The following COLEC11 variants were observed in gnomAD, a reference collection of about 807,000 sequenced individuals.
The protein encoded by COLEC11 is collectin subfamily member 11.
COLEC11 carries 20 observed loss-of-function variants against 27.3 expected under a neutral mutation model. The observed-to-expected ratio is 0.73, with a 90% CI of 0.51 to 1.06. COLEC11 has a LOEUF of 1.06. Among genes scored for constraint, COLEC11 ranks in the 50% least tolerant of loss-of-function variants. The pLI is 0.00. For missense variants in COLEC11, 310 were observed against 383.0 expected (o/e 0.81, Z 1.59); for synonymous variants, 163 against 154.7 (o/e 1.05, Z -0.40).
At chr2:3,609,456 A>C (rs1451568471) in intron 2 of COLEC11, among the ~76,000 whole-genome samples, 1 of 141,350 alleles carries the variant, frequency 7.1e-6, no homozygotes. Flanking sequence ...TGCAGCCTGC[A>C]ACTCCTGGGC....
intron 5 of COLEC11, chr2:3,641,181 G>A (rs1341945878): frequency 9.3e-6 from 12 of 1,286,326 alleles, no homozygotes; most frequent in Non-Finnish European, 1.0e-5. Context: ...TCTGACTCTT[G>A]GATACCAGGG....
intron 3 of COLEC11, among the ~76,000 whole-genome samples, chr2:3,614,220 A>AT (rs955629524): frequency 1.3e-4 from 19 of 151,480 alleles, no homozygotes; most frequent in African/African-American, 2.2e-4. Flanking sequence ...CAAGTAATAC[A>AT]TTTTTTCCAA....
At chr2:3,620,054 G>T (rs538662251) in intron 3 of COLEC11, among the ~76,000 whole-genome samples, 4 of 152,278 alleles carry the variant, frequency 2.6e-5, no homozygotes, top group Non-Finnish European at 4.4e-5. Flanking sequence ...TCTGGCTTTG[G>T]TATCAGGGTA....
intron 1 of COLEC11, chr2:3,603,562 C>T: frequency 7.7e-7 from 1 of 1,301,094 alleles, no homozygotes. Flanking sequence ...GGTGATCTGC[C>T]CACCTCAGCC....
intron 4 of COLEC11, among the ~76,000 whole-genome samples, chr2:3,638,796 C>T (rs1250259879): frequency 6.6e-6 from 1 of 152,208 alleles, no homozygotes; most frequent in Non-Finnish European, 1.5e-5. Flanking sequence ...TTCACAAACC[C>T]AAATAACATC....
intron 1 of COLEC11, among the ~76,000 whole-genome samples, chr2:3,600,737 G>T (rs962648905): frequency 6.6e-6 from 1 of 152,198 alleles, no homozygotes; most frequent in Non-Finnish European, 1.5e-5. Flanking sequence ...GTTAGACCTC[G>T]TCATTGTGTA....
At chr2:3,619,190 T>G (rs889340292) in intron 3 of COLEC11, among the ~76,000 whole-genome samples, 3 of 147,914 alleles carry the variant, frequency 2.0e-5, no homozygotes, top group African/African-American at 7.7e-5. Flanking sequence ...CCCTCTCCCT[T>G]TCTCTTCCTT....
chr2:3,631,772 T>G (rs1665022826), intron 3 of COLEC11, among the ~76,000 whole-genome samples: 1 of 151,500 alleles, frequency 6.6e-6, no homozygotes. Flanking sequence ...GGGCTCTGCC[T>G]GCTGCTTTGC....
Position 3,602,557 on chromosome 2 carries a change from C to T in COLEC11, c.-26-1758C>T, listed in dbSNP as rs755606918. Among the ~76,000 whole-genome samples, 14 of 152,328 alleles carry T rather than the reference C, an allele frequency of 9.2e-5. No individual in the cohort carries two copies. Among genetic ancestry groups the T allele is most frequent in the South Asian group, 2.1e-4 (1 of 4,822 alleles). On this transcript the variant is annotated intron_variant, in intron 1 of 6. Transcript: ENST00000349077. The surrounding 1 kb of genome is among the most constrained non-coding windows in gnomAD (Gnocchi z 6.2). ...ACACGTGGGGTCCAGCTGCCATCCT[C>T]GCCCGCTGTGCTGTTGTGGTCACCC...
intron 2 of COLEC11, chr2:3,606,173 G>A (rs764676971): frequency 8.4e-6 from 13 of 1,550,454 alleles, no homozygotes; most frequent in Admixed American, 2.0e-5. Context: ...TTTGGCTGTG[G>A]AGGTCACGTC....
chr2:3,625,396 G>A lies in COLEC11; in HGVS notation c.202+12014G>A, dbSNP rs560823449. On this transcript the variant is annotated intron_variant, in intron 3 of 6. Transcript: ENST00000349077. ...TTCTTGGCTGCCTTGTGGTGGGTGG[G>A]GGGCCATGGACCCAGCCCAGGGCGG... 2.6e-5 allele frequency among the ~76,000 whole-genome samples: 4 copies of A among 152,196 alleles called. No individual in the cohort carries two copies. In the East Asian group the frequency reaches 7.7e-4, roughly 29 times the overall value.
At chr2:3,629,643 G>A (rs1279522781) in intron 3 of COLEC11, among the ~76,000 whole-genome samples, 2 of 152,174 alleles carry the variant, frequency 1.3e-5, no homozygotes, top group African/African-American at 4.8e-5. Flanking sequence ...TATAGCGTGT[G>A]TGTGAATAGT....
At chr2:3,607,606 G>A (rs1286551199) in intron 2 of COLEC11, among the ~76,000 whole-genome samples, 1 of 151,690 alleles carries the variant, frequency 6.6e-6, no homozygotes, top group African/African-American at 2.4e-5. Context: ...CACCATCAAC[G>A]CCCGGCTAAT....
intron 1 of COLEC11, among the ~76,000 whole-genome samples, chr2:3,599,963 C>T (rs1033157507): frequency 2.0e-4 from 31 of 152,204 alleles, no homozygotes; most frequent in Non-Finnish European, 4.0e-4. Context: ...CGGCCAGGCA[C>T]GGTGGCTCAA....
At chr2:3,626,877 C>T (rs375715636) in intron 3 of COLEC11, among the ~76,000 whole-genome samples, 88 of 152,276 alleles carry the variant, frequency 5.8e-4, no homozygotes, top group Admixed American at 9.8e-4. Flanking sequence ...AGGCGGTGCC[C>T]GGGCCCCAGG....
chr2:3,625,042 T>A (rs1664434317), intron 3 of COLEC11, among the ~76,000 whole-genome samples: 1 of 152,156 alleles, frequency 6.6e-6, no homozygotes, highest in Non-Finnish European at 1.5e-5. Flanking sequence ...AGATATGGGG[T>A]TAAAGTCTGA....
intron 3 of COLEC11, among the ~76,000 whole-genome samples, chr2:3,622,093 C>T (rs1161217008): frequency 3.3e-5 from 5 of 150,972 alleles, no homozygotes; most frequent in Non-Finnish European, 7.4e-5. Context: ...CGCTTGAACC[C>T]GGGAGGTGGA....
chr2:3,636,033 T>C (rs1049016978), intron 3 of COLEC11, among the ~76,000 whole-genome samples: 9 of 152,236 alleles, frequency 5.9e-5, no homozygotes, highest in African/African-American at 2.2e-4. Flanking sequence ...CTGTCTATTC[T>C]GAATTGGGGG....
intron 3 of COLEC11, among the ~76,000 whole-genome samples, chr2:3,615,318 G>T (rs1426410628): frequency 6.6e-6 from 1 of 152,142 alleles, no homozygotes; most frequent in Non-Finnish European, 1.5e-5. Context: ...CTGGGTACTT[G>T]AGATTAGGGA....
Sources: allele counts gnomAD v4.1 joint callset (sites outside exome capture counted in the v4.1 genomes callset), GRCh38; gene constraint gnomAD v4.1.1; non-coding constraint Gnocchi (gnomAD v3.1); transcripts MANE v1.5; gene names NCBI Gene and HGNC (gene_info 2026-07-23, HGNC 2026-07-21).